The following PSMD14 variants were observed in gnomAD, a reference collection of about 807,000 sequenced individuals.
The protein encoded by PSMD14 is ubiquitin C-terminal hydrolase PSMD14.
In PSMD14, 7 loss-of-function variants were observed where a neutral mutation model predicts 41.2. The observed-to-expected ratio is 0.17, with a 90% CI of 0.10 to 0.32. The LOEUF (loss-of-function observed/expected upper bound fraction) is 0.32, where lower values mean the gene tolerates loss of function less well. Among genes scored for constraint, PSMD14 ranks in the 10% least tolerant of loss-of-function variants. The pLI is 1.00. For synonymous variants in PSMD14, 114 were observed against 122.3 expected (o/e 0.93, Z 0.45); for missense variants, 139 against 375.6 (o/e 0.37, Z 5.21).
At chr2:161,323,758 A>G (rs903427823) in intron 3 of PSMD14, among the ~76,000 whole-genome samples, 15 of 152,250 alleles carry the variant, frequency 9.9e-5, no homozygotes, top group Admixed American at 3.3e-4. Flanking sequence ...AGTAGTTTGA[A>G]GCAGAAATAA....
intron 3 of PSMD14, among the ~76,000 whole-genome samples, chr2:161,341,728 A>G (rs988525869): frequency 1.5e-3 from 230 of 151,436 alleles, no homozygotes; most frequent in African/African-American, 5.4e-3. Flanking sequence ...AGTCCCAGCT[A>G]CTCAGGAGGC....
At chr2:161,314,769 A>G (rs919387810) in intron 1 of PSMD14, among the ~76,000 whole-genome samples, 7 of 152,120 alleles carry the variant, frequency 4.6e-5, no homozygotes, top group African/African-American at 7.2e-5. Flanking sequence ...CAATATTCCT[A>G]TATGTGTTTA....
At chr2:161,366,387 A>AAC (rs36202166) in intron 3 of PSMD14, among the ~76,000 whole-genome samples, 2,155 of 148,490 alleles carry the variant, frequency 0.015, 19 homozygotes, top group South Asian at 0.026. Flanking sequence ...AATAGAATTT[A>AAC]ACACACACAC....
At chr2:161,369,879 C>T (rs1346902783) in intron 5 of PSMD14, among the ~76,000 whole-genome samples, 1 of 151,972 alleles carries the variant, frequency 6.6e-6, no homozygotes, top group Non-Finnish European at 1.5e-5. Context: ...GCCATATACT[C>T]TTAAAGAATC....
At chr2:161,393,636 G>C (rs1683746593) in intron 9 of PSMD14, among the ~76,000 whole-genome samples, 1 of 152,014 alleles carries the variant, frequency 6.6e-6, no homozygotes. Context: ...GATTCTTATG[G>C]CTCAGGGATC....
intron 3 of PSMD14, among the ~76,000 whole-genome samples, chr2:161,361,535 G>A (rs1205082150): frequency 2.6e-5 from 4 of 151,734 alleles, no homozygotes; most frequent in African/African-American, 9.7e-5. Context: ...AAATTTTTCA[G>A]TTTGTTTTAT....
intron 8 of PSMD14, among the ~76,000 whole-genome samples, chr2:161,387,812 T>C (rs1574138421): frequency 1.3e-5 from 2 of 152,030 alleles, no homozygotes; most frequent in East Asian, 3.9e-4. Context: ...TAGAAAATGT[T>C]ATTTTTTAAA....
At chr2:161,330,565 A>G (rs1574117831) in intron 3 of PSMD14, among the ~76,000 whole-genome samples, 1 of 152,176 alleles carries the variant, frequency 6.6e-6, no homozygotes, top group Non-Finnish European at 1.5e-5. Context: ...GAAGTTCTCT[A>G]ATTATCAGAT....
chr2:161,323,855 A>G (rs1200969050), intron 3 of PSMD14, among the ~76,000 whole-genome samples: 1 of 152,210 alleles, frequency 6.6e-6, no homozygotes. Context: ...TAAAATGCTT[A>G]CAAACTTGAA....
In PSMD14 at chr2:161,358,038, A is replaced by G. The variant is rs572103754; in HGVS notation, c.49-9440A>G. ...GCACCAGAAAAAAGACTTTTTTTCC[A>G]TTACTTTTTTTTATAGTGGTAACAG... On this transcript the variant is annotated intron_variant, in intron 3 of 11. Coordinates refer to ENST00000409682, the MANE Select transcript of PSMD14 (RefSeq NM_005805.6). Among the ~76,000 whole-genome samples, 25 of 152,196 alleles carry G rather than the reference A, an allele frequency of 1.6e-4. No individual in the cohort carries two copies. The South Asian group carries it at 4.6e-3, about 28-fold the overall frequency.
intron 3 of PSMD14, among the ~76,000 whole-genome samples, chr2:161,363,764 T>C (rs1417266185): frequency 6.6e-6 from 1 of 152,206 alleles, no homozygotes; most frequent in Non-Finnish European, 1.5e-5. Flanking sequence ...GGCCTGCTTC[T>C]TCAGTGCCCC....
chr2:161,336,561 T>A (rs1037846349), intron 3 of PSMD14, among the ~76,000 whole-genome samples: 1 of 152,084 alleles, frequency 6.6e-6, no homozygotes, highest in Non-Finnish European at 1.5e-5. Context: ...CAGTTATATT[T>A]ATTATTTATT....
chr2:161,352,073 T>A (rs1476953674), intron 3 of PSMD14, among the ~76,000 whole-genome samples: 3 of 152,182 alleles, frequency 2.0e-5, no homozygotes, highest in African/African-American at 7.2e-5. Context: ...TAATTCAGAA[T>A]TTGATGCATT....
At chr2:161,309,782 A>T (rs1689067534) in intron 1 of PSMD14, among the ~76,000 whole-genome samples, 1 of 152,068 alleles carries the variant, frequency 6.6e-6, no homozygotes, top group South Asian at 2.1e-4. Flanking sequence ...TCTTTTATTG[A>T]TGCTTCACCT....
At chr2:161,349,501 C>G (rs1360606604) in intron 3 of PSMD14, among the ~76,000 whole-genome samples, 1 of 152,138 alleles carries the variant, frequency 6.6e-6, no homozygotes, top group Non-Finnish European at 1.5e-5. Context: ...GGTAGTCTTT[C>G]CTAGTGTGGA....
intron 1 of PSMD14, among the ~76,000 whole-genome samples, chr2:161,315,111 A>G (rs1266729242): frequency 1.3e-5 from 2 of 152,226 alleles, no homozygotes; most frequent in Non-Finnish European, 1.5e-5. Context: ...TTTTGAGACA[A>G]TCAAGAATGG....
intron 10 of PSMD14, among the ~76,000 whole-genome samples, chr2:161,396,120 G>C (rs914001944): frequency 2.6e-5 from 4 of 152,176 alleles, no homozygotes; most frequent in Admixed American, 2.6e-4. Flanking sequence ...CAACACCCAG[G>C]TTGCTGCCTT....
At chr2:161,331,032 T>C (rs1682782214) in intron 3 of PSMD14, among the ~76,000 whole-genome samples, 1 of 152,202 alleles carries the variant, frequency 6.6e-6, no homozygotes, top group Non-Finnish European at 1.5e-5. Context: ...TTCTGTTTTA[T>C]AGAAAAGGAA....
chr2:161,371,453 C>G, intron 7 of PSMD14, 131 bp downstream of exon 7: 1 of 854,714 alleles, frequency 1.2e-6, no homozygotes. Flanking sequence ...ACTTAAAAAA[C>G]AAAAAAACTG....
Sources: allele counts gnomAD v4.1 joint callset (sites outside exome capture counted in the v4.1 genomes callset), GRCh38; gene constraint gnomAD v4.1.1; transcripts MANE v1.5; gene names NCBI Gene and HGNC (gene_info 2026-07-23, HGNC 2026-07-21).